Variants in MLPH observed in about 807,000 individuals in gnomAD.
MLPH encodes melanophilin.
Under a neutral mutation model 72.1 loss-of-function variants are expected in MLPH, and 51 were observed. The ratio of observed to expected loss-of-function variants is 0.71; its 90% CI spans 0.56 to 0.89. The LOEUF (loss-of-function observed/expected upper bound fraction) is 0.89, where lower values mean the gene tolerates loss of function less well. MLPH is among the 40% of genes least tolerant of loss of function. The pLI, the probability that MLPH is intolerant of heterozygous loss-of-function variation, is 0.00. For synonymous variants in MLPH, 301 were observed against 310.1 expected (o/e 0.97, Z 0.31); for missense variants, 743 against 759.9 (o/e 0.98, Z 0.26).
In MLPH at chr2:237,546,773, A is replaced by G. The variant is rs1017449353; in HGVS notation, c.1617+90A>G. 1.7e-5 allele frequency: 18 copies of G among 1,086,900 alleles called. No homozygotes were observed. The African/African-American group carries it at 2.8e-4, about 17-fold the overall frequency. The allele number at this position is 1,086,900 out of a possible 1,614,324, so 67.3% of individuals were successfully genotyped here. A position where few individuals can be genotyped will look rare whatever the true frequency, so the allele number is the denominator to read the frequency against. ...CAGTGTGGCAAGTCCACGGGGTGGC[A>G]GAGATGCAATGTCCTCACAGCTACC... is the stretch of plus-strand genomic sequence containing the variant. On this transcript the variant is annotated intron_variant, in intron 13 of 15. Coordinates refer to ENST00000264605, the MANE Select transcript of MLPH (RefSeq NM_024101.7).
chr2:237,528,244 A>T (rs1024106114), intron 8 of MLPH, among the ~76,000 whole-genome samples: 3 of 152,254 alleles, frequency 2.0e-5, no homozygotes. Flanking sequence ...ATACCTTAAA[A>T]ATGGATAAAA....
chr2:237,538,853 G>T (rs1029762542), intron 9 of MLPH, among the ~76,000 whole-genome samples: 2 of 152,226 alleles, frequency 1.3e-5, no homozygotes, highest in Admixed American at 1.3e-4. Context: ...CAAGGCAGAA[G>T]GTCCCTGGGG....
At chr2:237,492,286 T>A (rs1258950402) in intron 1 of MLPH, among the ~76,000 whole-genome samples, 1 of 152,016 alleles carries the variant, frequency 6.6e-6, no homozygotes, top group African/African-American at 2.4e-5. Context: ...GGTCATCAGG[T>A]TACCTACAAA....
At chr2:237,519,620 G>A (rs373749676) in intron 5 of MLPH, among the ~76,000 whole-genome samples, 4 of 152,120 alleles carry the variant, frequency 2.6e-5, no homozygotes, top group African/African-American at 9.7e-5. Context: ...GGGTCCCTGG[G>A]GCAAGTGCAG....
At chr2:237,523,630 AG>A (rs1369188269) in intron 6 of MLPH, among the ~76,000 whole-genome samples, 2 of 152,228 alleles carry the variant, frequency 1.3e-5, no homozygotes, top group African/African-American at 4.8e-5. Context: ...GATGGGCGCA[AG>A]ATGTATAAGT....
Position 237,527,499 on chromosome 2 carries a change from G to A in MLPH, c.1003G>A (p.Ala335Thr). ...CCACCATTCCAAGCGGAGAGGCCGG[G>A]CGTCTTCTGAGAGTCAGGTAACGGT... ...ASHHSKRRGR[A>T]SSESQIFELN... Residue 335 changes from alanine to threonine, a missense_variant, in exon 8 of 16, where the codon GCG becomes ACG. Transcript: ENST00000264605. 1.2e-6 allele frequency: 2 copies of A among 1,614,148 alleles called. No individual in the cohort carries two copies. The highest frequency in any genetic ancestry group is 1.7e-6 in the Non-Finnish European group (2 of 1,180,038).
Position 237,540,367 on chromosome 2 carries a change from G to A in MLPH, c.1124G>A (p.Arg375His), listed in dbSNP as rs568076932. 1.6e-5 allele frequency: 26 copies of A among 1,613,666 alleles called. No individual in the cohort carries two copies. In the Admixed American group the frequency reaches 2.2e-4, roughly 13 times the overall value. Reference protein sequence around the residue: ...PLAKGLGAGVRTEADVEEEAL... With the variant: ...PLAKGLGAGVHTEADVEEEAL... ...TGTCAGGGTCTAGGTGCTGGAGTGCGCACGGAGGCCGATGTAGAGGAGGAG... is the reference window on the plus strand; with the variant it reads ...TGTCAGGGTCTAGGTGCTGGAGTGCACACGGAGGCCGATGTAGAGGAGGAG... Residue 375 changes from arginine (R) to histidine (H), a missense_variant, in exon 10 of 16, where the codon CGC becomes CAC. Coordinates refer to ENST00000264605, the MANE Select transcript of MLPH (RefSeq NM_024101.7).
chr2:237,539,026 G>A (rs1353044026), intron 9 of MLPH, among the ~76,000 whole-genome samples: 2 of 152,210 alleles, frequency 1.3e-5, no homozygotes, highest in African/African-American at 4.8e-5. Flanking sequence ...AGACAGCCCG[G>A]CCAAGATGGG....
chr2:237,539,292 G>A (rs1025976367), intron 9 of MLPH, among the ~76,000 whole-genome samples: 57 of 152,212 alleles, frequency 3.7e-4, no homozygotes, highest in Non-Finnish European at 7.2e-4. Context: ...CAGCGAAGGT[G>A]GTGCAAGGCA....
chr2:237,526,561 C>A (rs2080309662), intron 7 of MLPH, among the ~76,000 whole-genome samples: 1 of 152,198 alleles, frequency 6.6e-6, no homozygotes, highest in South Asian at 2.1e-4. Context: ...GGCCAAGCCA[C>A]AGGGTGCAGA....
intron 12 of MLPH, chr2:237,546,398 C>T: frequency 1.7e-6 from 1 of 595,496 alleles, no homozygotes; most frequent in Non-Finnish European, 3.0e-6. Flanking sequence ...TTCAAAGTTC[C>T]CTGGGTATCC....
At position 237,512,341 on chromosome 2, in the gene MLPH, G is replaced by A. The variant is rs1053821347; in HGVS notation, c.445+1240G>A. Among the ~76,000 whole-genome samples the A allele has an allele frequency of 3.3e-5, 5 of 152,228 alleles. No homozygotes were observed. The highest frequency in any genetic ancestry group is 4.8e-5 in the African/African-American group (2 of 41,462). ...GCATTTCAAGGCATCTTAGCCCATC[G>A]TTTAATTTAGGACAGAGGCCACGGA... On this transcript the variant is annotated intron_variant, in intron 4 of 15. Transcript: ENST00000264605. This position sits in a 1 kb window ranked among gnomAD's most constrained non-coding sequence, Gnocchi z 5.5.
intron 6 of MLPH, among the ~76,000 whole-genome samples, chr2:237,525,272 C>G (rs897807591): frequency 6.6e-6 from 1 of 152,180 alleles, no homozygotes; most frequent in Admixed American, 6.5e-5. Context: ...GAGCTTTGGT[C>G]TCTGGGTGAG....
chr2:237,495,428 C>T (rs559023466), intron 2 of MLPH, among the ~76,000 whole-genome samples: 12 of 152,288 alleles, frequency 7.9e-5, no homozygotes, highest in African/African-American at 2.6e-4. Flanking sequence ...CATAGGAGAC[C>T]GCACTGGAAG....
intron 4 of MLPH, among the ~76,000 whole-genome samples, chr2:237,516,947 GGATAGGTGGATA>G (rs2080043076): frequency 6.7e-6 from 1 of 148,954 alleles, no homozygotes. Context: ...ATGGATAGGT[GGATAGGTGGATA>G]GATAGGTGGA....
At chr2:237,507,119 T>G (rs1490686930) in intron 2 of MLPH, 1 of 140,404 alleles carries the variant, frequency 7.1e-6, no homozygotes, top group Non-Finnish European at 1.5e-5. Flanking sequence ...TTGGATGGAG[T>G]GCAGTAGCGT....
chr2:237,535,410 A>G (rs2080511061), intron 9 of MLPH, among the ~76,000 whole-genome samples: 1 of 151,988 alleles, frequency 6.6e-6, no homozygotes, highest in South Asian at 2.1e-4. Flanking sequence ...TAGGGGACAC[A>G]GTCAAACCAC....
chr2:237,539,140 A>G, intron 9 of MLPH, among the ~76,000 whole-genome samples: 1 of 143,260 alleles, frequency 7.0e-6, no homozygotes, highest in South Asian at 2.5e-4. Flanking sequence ...GCCTTTTACT[A>G]TGGGGGGGCG....
In MLPH at chr2:237,554,027, G is replaced by A. The variant is rs150080546; in HGVS notation, c.*435G>A. 3 of 332,354 alleles carry A rather than the reference G, an allele frequency of 9.0e-6. No individual in the cohort carries two copies. The East Asian group carries it at 2.2e-4, about 25-fold the overall frequency. The allele number at this position is 332,354 out of a possible 1,614,324, so 20.6% of individuals were successfully genotyped here. A position where few individuals can be genotyped will look rare whatever the true frequency, so the allele number is the denominator to read the frequency against. On this transcript the variant is annotated 3_prime_UTR_variant, in exon 16 of 16. Coordinates refer to ENST00000264605, the MANE Select transcript of MLPH (RefSeq NM_024101.7). ...GTGTATTCTTGATGGTCTATATCGGGGTGTGAGCAGATGTTTGCGTATTTC... is the reference window on the plus strand; with the variant it reads ...GTGTATTCTTGATGGTCTATATCGGAGTGTGAGCAGATGTTTGCGTATTTC...
Sources: allele counts gnomAD v4.1 joint callset (sites outside exome capture counted in the v4.1 genomes callset), GRCh38; gene constraint gnomAD v4.1.1; non-coding constraint Gnocchi (gnomAD v3.1); transcripts MANE v1.5; gene names NCBI Gene and HGNC (gene_info 2026-07-23, HGNC 2026-07-21).